Variants in LRRC4C observed in about 807,000 individuals in gnomAD.
LRRC4C encodes the protein leucine rich repeat containing 4C.
LRRC4C carries 5 observed loss-of-function variants against 33.6 expected under a neutral mutation model. That is an observed-to-expected ratio of 0.15 (90% CI 0.08 to 0.31). The LOEUF is 0.31. Among genes scored for constraint, LRRC4C ranks in the 10% least tolerant of loss-of-function variants. The pLI is 1.00. For missense variants in LRRC4C, 560 were observed against 796.7 expected (o/e 0.70, Z 3.58); for synonymous variants, 329 against 302.0 (o/e 1.09, Z -0.93).
At chr11:40,119,016 T>G (rs1453656122) in intron 6 of LRRC4C, among the ~76,000 whole-genome samples, 1 of 152,120 alleles carries the variant, frequency 6.6e-6, no homozygotes, top group Non-Finnish European at 1.5e-5. Flanking sequence ...GGCCAGCACT[T>G]CCTTGTCTAC....
chr11:41,289,914 A>G (rs1949943396), intron 1 of LRRC4C, among the ~76,000 whole-genome samples: 1 of 152,214 alleles, frequency 6.6e-6, no homozygotes, highest in South Asian at 2.1e-4. Context: ...TGAGGATACA[A>G]TACTGCCTTT....
intron 2 of LRRC4C, among the ~76,000 whole-genome samples, chr11:40,773,120 G>A (rs1248579893): frequency 6.6e-6 from 1 of 152,130 alleles, no homozygotes; most frequent in Non-Finnish European, 1.5e-5. Flanking sequence ...AAATTTGCAT[G>A]CTCTAATTTG....
chr11:40,329,024 G>C (rs113492435), intron 3 of LRRC4C, among the ~76,000 whole-genome samples: 9 of 152,270 alleles, frequency 5.9e-5, no homozygotes, highest in Non-Finnish European at 1.3e-4. Context: ...AAGTTTATCT[G>C]TCTGTGGGGG....
chr11:41,153,307 G>C (rs1166253512), intron 1 of LRRC4C, among the ~76,000 whole-genome samples: 1 of 152,014 alleles, frequency 6.6e-6, no homozygotes, highest in Non-Finnish European at 1.5e-5. Flanking sequence ...TTTTTGAAGG[G>C]AATGATGGTA....
chr11:41,195,207 G>C (rs1006698152), intron 1 of LRRC4C, among the ~76,000 whole-genome samples: 5 of 152,000 alleles, frequency 3.3e-5, no homozygotes, highest in Admixed American at 2.0e-4. Context: ...AAAACACACT[G>C]TGTGTGCATG....
At chr11:40,302,677 C>T (rs541432488) in intron 4 of LRRC4C, among the ~76,000 whole-genome samples, 14 of 152,194 alleles carry the variant, frequency 9.2e-5, no homozygotes, top group Non-Finnish European at 8.8e-5. Context: ...ATGTATTGAA[C>T]GAGCAAATAT....
At chr11:41,417,273 G>T (rs574614323) in intron 1 of LRRC4C, among the ~76,000 whole-genome samples, 52 of 152,108 alleles carry the variant, frequency 3.4e-4, no homozygotes, top group Non-Finnish European at 6.6e-4. Flanking sequence ...AGGAGAAGTT[G>T]TAGCAATGGC....
At chr11:41,308,959 C>T (rs1204834253) in intron 1 of LRRC4C, among the ~76,000 whole-genome samples, 1 of 152,122 alleles carries the variant, frequency 6.6e-6, no homozygotes, top group Non-Finnish European at 1.5e-5. Flanking sequence ...CATGCGTCAA[C>T]ACGCCCGGCT....
Position 41,089,757 on chromosome 11 carries a change from C to T in LRRC4C, c.-495-156034G>A, listed in dbSNP as rs532564289. Among the ~76,000 whole-genome samples, 62 of 152,014 alleles carry T rather than the reference C, an allele frequency of 4.1e-4. 1 individual carries two copies. The highest frequency in any genetic ancestry group is 1.5e-3 in the African/African-American group (61 of 41,496). ...TAGCTATTTCTTGTAAATATCAATGCCTTATCTATCCACAACCTGAATTTA... is the reference window on the plus strand; with the variant it reads ...TAGCTATTTCTTGTAAATATCAATGTCTTATCTATCCACAACCTGAATTTA... On this transcript the variant is annotated intron_variant, in intron 1 of 6. Transcript: ENST00000528697.
chr11:40,776,950 AT>A (rs1950024986), intron 2 of LRRC4C, among the ~76,000 whole-genome samples: 1 of 152,146 alleles, frequency 6.6e-6, no homozygotes, highest in South Asian at 2.1e-4. Flanking sequence ...ATTTCAAAGA[AT>A]TTTTTGATAT....
intron 3 of LRRC4C, among the ~76,000 whole-genome samples, chr11:40,346,790 G>A (rs950654491): frequency 6.6e-6 from 1 of 152,154 alleles, no homozygotes; most frequent in Admixed American, 6.5e-5. Context: ...TCAATGAGGA[G>A]TAGTATTTTA....
chr11:40,999,124 C>T (rs1445016861), intron 1 of LRRC4C, among the ~76,000 whole-genome samples: 2 of 152,100 alleles, frequency 1.3e-5, no homozygotes, highest in African/African-American at 2.4e-5. Context: ...ACCCCTGCTG[C>T]GGTGCCTTTT....
intron 3 of LRRC4C, among the ~76,000 whole-genome samples, chr11:40,614,074 C>T (rs1374457741): frequency 6.6e-6 from 1 of 151,758 alleles, no homozygotes; most frequent in Non-Finnish European, 1.5e-5. Flanking sequence ...CAACTTAAGT[C>T]ACCAGCTATG....
chr11:40,137,686 G>C (rs1290077801), intron 6 of LRRC4C, among the ~76,000 whole-genome samples: 3 of 152,206 alleles, frequency 2.0e-5, no homozygotes, highest in Middle Eastern at 3.4e-3. Context: ...AAGGACCCTG[G>C]GGAATTAGGT....
At chr11:40,755,041 T>G (rs772448839) in intron 2 of LRRC4C, among the ~76,000 whole-genome samples, 40 of 152,110 alleles carry the variant, frequency 2.6e-4, no homozygotes, top group Non-Finnish European at 4.3e-4. Context: ...TCATAGATCT[T>G]AAATTGAGAA....
intron 1 of LRRC4C, among the ~76,000 whole-genome samples, chr11:41,362,256 G>A (rs1403977586): frequency 1.3e-5 from 2 of 151,912 alleles, no homozygotes; most frequent in East Asian, 3.9e-4. Context: ...CTTTTCTTGG[G>A]GGACAACAGC....
intron 1 of LRRC4C, among the ~76,000 whole-genome samples, chr11:41,306,183 A>C (rs1236243131): frequency 6.6e-6 from 1 of 152,098 alleles, no homozygotes; most frequent in African/African-American, 2.4e-5. Flanking sequence ...CCTTCAAGTA[A>C]AATTTGTCTT....
At chr11:40,126,968 A>T (rs11035698) in intron 6 of LRRC4C, among the ~76,000 whole-genome samples, 9,602 of 151,988 alleles carry the variant, frequency 0.063, 387 homozygotes, top group Non-Finnish European at 0.089. Context: ...TCAAAAAAAA[A>T]AAATAAATAA....
rs569966783 is a variant in LRRC4C, at chr11:40,869,128, C to T, written c.-407+64507G>A. 3.1e-4 allele frequency among the ~76,000 whole-genome samples: 47 copies of T among 152,176 alleles called. No individual in the cohort carries two copies. The South Asian group carries it at 3.9e-3, about 13-fold the overall frequency. On this transcript the variant is annotated intron_variant, in intron 2 of 6. Transcript: ENST00000528697. Reference sequence around the variant, plus strand: ...GATGGAAAGAAGTTAAAAAACAATGCCTCTGATCACAGAATGAGCACATTA... The same window carrying T: ...GATGGAAAGAAGTTAAAAAACAATGTCTCTGATCACAGAATGAGCACATTA...
Sources: gnomAD v4.1 joint callset for allele counts (sites outside exome capture counted in the v4.1 genomes callset) on GRCh38, gnomAD v4.1.1 for gene constraint, MANE v1.5 for transcripts, NCBI Gene and HGNC (gene_info 2026-07-23, HGNC 2026-07-21) for gene names.